RIPOR2: variants seen among roughly 807,000 people sequenced by gnomAD.
RIPOR2 encodes rho family-interacting cell polarization regulator 2.
In RIPOR2, 39 loss-of-function variants were observed where a neutral mutation model predicts 114.5. That is an observed-to-expected ratio of 0.34 (90% CI 0.26 to 0.44). RIPOR2 has a LOEUF of 0.44. RIPOR2 is among the 20% of genes least tolerant of loss of function. RIPOR2 has a pLI of 1.00. For missense variants in RIPOR2, 1,007 were observed against 1,255.1 expected (o/e 0.80, Z 2.99); for synonymous variants, 445 against 484.4 (o/e 0.92, Z 1.07).
intron 1 of RIPOR2, among the ~76,000 whole-genome samples, chr6:24,943,493 A>ATAG (rs1194989288): frequency 2.0e-5 from 3 of 152,216 alleles, no homozygotes; most frequent in African/African-American, 7.2e-5. Flanking sequence ...AAGTATAATA[A>ATAG]TAATAATAAT....
chr6:24,987,756 T>C (rs1774596735), intron 1 of RIPOR2, among the ~76,000 whole-genome samples: 1 of 152,202 alleles, frequency 6.6e-6, no homozygotes, highest in Admixed American at 6.5e-5. Flanking sequence ...ATATGGCATA[T>C]ACCACATGGG....
intron 1 of RIPOR2, among the ~76,000 whole-genome samples, chr6:24,987,943 TTGCTACAAAC>T (rs1774607615): frequency 6.6e-6 from 1 of 152,230 alleles, no homozygotes; most frequent in South Asian, 2.1e-4. Context: ...CTAAGGGGCC[TTGCTACAAAC>T]TGCAGCTCTA....
intron 1 of RIPOR2, among the ~76,000 whole-genome samples, chr6:24,961,359 T>C (rs1773298591): frequency 6.6e-6 from 1 of 152,116 alleles, no homozygotes; most frequent in African/African-American, 2.4e-5. Flanking sequence ...GTTCAAGATA[T>C]TTTAGTAAAC....
chr6:25,024,139 C>T (rs1166413687), intron 1 of RIPOR2: 10 of 964,588 alleles, frequency 1.0e-5, no homozygotes, highest in Admixed American at 5.4e-5. Flanking sequence ...TTACCGGTGG[C>T]GCCGCGGGAC....
rs1187807053 is a variant in RIPOR2, at chr6:24,805,819, T to C, written c.*554A>G. On this transcript the variant is annotated 3_prime_UTR_variant, in exon 22 of 22. Transcript: ENST00000643898. The stretch of plus-strand genomic sequence containing the variant: ...AGATGGACTCTTTCACTGAGTATTA[T>C]TAGACACAATCGACGATGTAATATA... 1 of 152,278 alleles carries C rather than the reference T, an allele frequency of 6.6e-6. No individual in the cohort carries two copies. Among genetic ancestry groups the C allele is most frequent in the Non-Finnish European group, 1.5e-5 (1 of 68,098 alleles). The allele number at this position is 152,278 out of a possible 1,614,324, so 9.4% of individuals were successfully genotyped here. A position where few individuals can be genotyped will look rare whatever the true frequency, so the allele number is the denominator to read the frequency against.
At position 24,804,824 on chromosome 6, in the gene RIPOR2, C is replaced by T. The variant is rs1047996844; in HGVS notation, c.*1549G>A. ...TACACTCACATATATTGTTTTGATA[C>T]CTTGGCATACCCCACCTTGTACACT... On this transcript the variant is annotated 3_prime_UTR_variant, in exon 22 of 22. Transcript: ENST00000643898. The T allele has an allele frequency of 3.3e-5, 5 of 152,110 alleles. No homozygotes were observed. The highest frequency in any genetic ancestry group is 1.2e-4 in the African/African-American group (5 of 41,428). The allele number at this position is 152,110 out of a possible 1,614,324, so 9.4% of individuals were successfully genotyped here. A position where few individuals can be genotyped will look rare whatever the true frequency, so the allele number is the denominator to read the frequency against.
intron 19 of RIPOR2, among the ~76,000 whole-genome samples, chr6:24,819,381 T>C (rs1457001241): frequency 1.3e-5 from 2 of 152,028 alleles, no homozygotes; most frequent in Non-Finnish European, 2.9e-5. Flanking sequence ...AAAAAGGTAT[T>C]CAGTCAGAAA....
At chr6:24,925,996 A>T (rs983095874) in intron 1 of RIPOR2, among the ~76,000 whole-genome samples, 2 of 152,216 alleles carry the variant, frequency 1.3e-5, no homozygotes, top group Non-Finnish European at 2.9e-5. Context: ...AAGTTTTACC[A>T]CTGAAAATAT....
chr6:24,872,190 A>G (rs1485714964), intron 4 of RIPOR2, among the ~76,000 whole-genome samples: 1 of 152,228 alleles, frequency 6.6e-6, no homozygotes, highest in Non-Finnish European at 1.5e-5. Flanking sequence ...CTTCAATCAC[A>G]CAAGTCCTCA....
At chr6:24,930,962 A>G (rs933644887) in intron 1 of RIPOR2, among the ~76,000 whole-genome samples, 2 of 152,250 alleles carry the variant, frequency 1.3e-5, no homozygotes, top group East Asian at 3.8e-4. Context: ...ATAATCACAC[A>G]AAAATCTCCA....
intron 19 of RIPOR2, among the ~76,000 whole-genome samples, chr6:24,824,021 T>C (rs1481356266): frequency 6.6e-6 from 1 of 152,148 alleles, no homozygotes; most frequent in East Asian, 1.9e-4. Context: ...CCTCCCAAAG[T>C]GTTGGGATTA....
chr6:24,919,550 G>A (rs190403694), intron 1 of RIPOR2, among the ~76,000 whole-genome samples: 2 of 152,322 alleles, frequency 1.3e-5, no homozygotes, highest in East Asian at 1.9e-4. Context: ...AGAGTTGGGG[G>A]ATGGAAGGCT....
intron 1 of RIPOR2, among the ~76,000 whole-genome samples, chr6:24,884,930 A>G (rs548080442): frequency 5.1e-4 from 78 of 152,314 alleles, no homozygotes; most frequent in Middle Eastern, 6.8e-3. Context: ...CTCACTTGAA[A>G]AAAAGAAACT....
At chr6:25,024,192 C>A in intron 1 of RIPOR2, 1 of 1,415,412 alleles carries the variant, frequency 7.1e-7, no homozygotes, top group Non-Finnish European at 9.9e-7. Flanking sequence ...GCTGGCAATG[C>A]AGGGCCTGGC....
chr6:25,039,427 T>C (rs994363620), intron 1 of RIPOR2, among the ~76,000 whole-genome samples: 2 of 152,246 alleles, frequency 1.3e-5, no homozygotes, highest in African/African-American at 4.8e-5. Flanking sequence ...TTGACCATCC[T>C]GGAAGAATAT....
chr6:24,869,444 A>T (rs928603695), intron 5 of RIPOR2, among the ~76,000 whole-genome samples: 21 of 151,766 alleles, frequency 1.4e-4, no homozygotes, highest in African/African-American at 5.1e-4. Flanking sequence ...CAGCCTCCCA[A>T]GTAGCTGGGA....
rs955905670 is a variant in RIPOR2, at chr6:24,858,723, G to A, written c.715+2250C>T. Among the ~76,000 whole-genome samples the A allele has an allele frequency of 1.3e-5, 2 of 152,172 alleles. No individual in the cohort carries two copies. Among genetic ancestry groups the A allele is most frequent in the South Asian group, 2.1e-4 (1 of 4,826 alleles). ...ACCAAGCGTTCAGGTGGACTCTCAG[G>A]AACATCAGGCAGGAGAGCAAGAACA... is the stretch of plus-strand genomic sequence containing the variant. On this transcript the variant is annotated intron_variant, in intron 8 of 21. Coordinates refer to ENST00000643898, the MANE Select transcript of RIPOR2 (RefSeq NM_001286445.3). This position sits in a 1 kb window ranked among gnomAD's most constrained non-coding sequence, Gnocchi z 4.0.
chr6:24,927,341 C>T (rs866085504), intron 1 of RIPOR2, among the ~76,000 whole-genome samples: 6 of 127,954 alleles, frequency 4.7e-5, no homozygotes, highest in Admixed American at 1.5e-4. Flanking sequence ...ACCACCACCA[C>T]CATCACCATC....
At chr6:24,995,907 A>G (rs1012838977) in intron 1 of RIPOR2, among the ~76,000 whole-genome samples, 12 of 146,910 alleles carry the variant, frequency 8.2e-5, no homozygotes, top group Admixed American at 3.5e-4. Flanking sequence ...GGTTCATGCC[A>G]TTCTCCTGCC....
Sources: gnomAD v4.1 joint callset for allele counts (sites outside exome capture counted in the v4.1 genomes callset) on GRCh38, gnomAD v4.1.1 for gene constraint, Gnocchi (gnomAD v3.1) non-coding constraint, MANE v1.5 for transcripts, NCBI Gene and HGNC (gene_info 2026-07-23, HGNC 2026-07-21) for gene names.